The following LONP1 variants were observed in gnomAD, a reference collection of about 807,000 sequenced individuals.
The protein encoded by LONP1 is lon peptidase 1, mitochondrial, also known as lon protease homolog, mitochondrial.
LONP1 carries 31 observed loss-of-function variants against 98.5 expected under a neutral mutation model. That is an observed-to-expected ratio of 0.31 (90% CI 0.24 to 0.42). The LOEUF is 0.42. Among genes scored for constraint, LONP1 ranks in the 20% least tolerant of loss-of-function variants. The pLI is 1.00. For synonymous variants in LONP1, 781 were observed against 594.7 expected (o/e 1.31, Z -4.56); for missense variants, 1,336 against 1,350.6 (o/e 0.99, Z 0.17).
At chr19:5,694,603 CG>C in intron 14 of LONP1, 51 bp from the exon 15 acceptor site, 1 of 1,500,178 alleles carries the variant, frequency 6.7e-7, no homozygotes, top group African/African-American at 1.4e-5. Context: ...GTGACAGGTG[CG>C]GGGTGGTGGG....
intron 8 of LONP1, among the ~76,000 whole-genome samples, chr19:5,703,951 G>A (rs947381582): frequency 6.6e-6 from 1 of 152,208 alleles, no homozygotes; most frequent in African/African-American, 2.4e-5. Context: ...GGCACTCGCT[G>A]GGAGACAGAA....
intron 8 of LONP1, among the ~76,000 whole-genome samples, chr19:5,705,344 G>A (rs1298537250): frequency 6.6e-6 from 1 of 151,146 alleles, no homozygotes; most frequent in Non-Finnish European, 1.5e-5. Context: ...TATAGTCCCA[G>A]ATACTTGGGG....
At chr19:5,699,527 A>C (rs1427999376) in intron 9 of LONP1, among the ~76,000 whole-genome samples, 1 of 151,412 alleles carries the variant, frequency 6.6e-6, no homozygotes, top group Non-Finnish European at 1.5e-5. Flanking sequence ...CAACCCAGAG[A>C]AGCAGTCCAC....
intron 8 of LONP1, 147 bp downstream of exon 8, chr19:5,705,625 G>A (rs533216490): frequency 1.1e-4 from 69 of 645,552 alleles, no homozygotes; most frequent in Non-Finnish European, 1.7e-4. Context: ...CCCAGAACAG[G>A]GCTGATACTC....
At chr19:5,694,938 C>T (rs1407914575) in intron 13 of LONP1, 37 bp from the exon 14 acceptor site, 1 of 1,577,616 alleles carries the variant, frequency 6.3e-7, no homozygotes, top group Middle Eastern at 2.0e-4. Flanking sequence ...TCTGGAGGGA[C>T]CTTGCCCACC....
At chr19:5,698,505 C>T (rs1599453954) in intron 10 of LONP1, among the ~76,000 whole-genome samples, 2 of 152,280 alleles carry the variant, frequency 1.3e-5, no homozygotes, top group South Asian at 4.1e-4. Context: ...GGCCGTGGCC[C>T]CTGCTTCTGG....
chr19:5,701,029 T>G, intron 8 of LONP1, 102 bp from the exon 9 acceptor site: 1 of 1,364,910 alleles, frequency 7.3e-7, no homozygotes, highest in Non-Finnish European at 1.0e-6. Flanking sequence ...AACCCATGTG[T>G]GGGGCTGAGC....
rs985797084 is a variant in LONP1, at chr19:5,696,506, G to A, written c.1774-135C>T. 5 of 1,334,558 alleles carry A rather than the reference G, an allele frequency of 3.7e-6. No individual in the cohort carries two copies. The Admixed American group carries it at 6.6e-5, about 18-fold the overall frequency. The allele number at this position is 1,334,558 out of a possible 1,614,324, so 82.7% of individuals were successfully genotyped here. ...ACACCCTGCCTTGGACGGGCAGCCT[G>A]CTGGGCGTGGCTGTGGGTGGGAGGG... On this transcript the variant is annotated intron_variant, in intron 11 of 17. Coordinates refer to ENST00000360614, the MANE Select transcript of LONP1 (RefSeq NM_004793.4).
intron 5 of LONP1, 33 bp downstream of exon 5, chr19:5,708,306 GCCC>G: frequency 1.2e-6 from 2 of 1,600,934 alleles, no homozygotes; most frequent in Non-Finnish European, 1.7e-6. Flanking sequence ...CTGCAGAGAT[GCCC>G]CCGCCTGGCC....
chr19:5,701,208 G>A (rs1307485575), intron 8 of LONP1, among the ~76,000 whole-genome samples: 1 of 152,222 alleles, frequency 6.6e-6, no homozygotes, highest in African/African-American at 2.4e-5. Flanking sequence ...AATTTTGGGA[G>A]GCCGAGGCAG....
At position 5,693,538 on chromosome 19, in the gene LONP1, G is replaced by A; in HGVS notation, c.2538+14C>T. 6.2e-7 allele frequency: 1 copy of A among 1,613,910 alleles called. No individual in the cohort carries two copies. Among genetic ancestry groups the A allele is most frequent in the Non-Finnish European group, 8.5e-7 (1 of 1,179,902 alleles). ...GACTGGGCGGGAGCAGGTGGGAGCG[G>A]ATGGCGCGGTCACCTCGGGCACATG... On this transcript the variant is annotated intron_variant, in intron 16 of 17. Coordinates refer to ENST00000360614, the MANE Select transcript of LONP1 (RefSeq NM_004793.4).
At chr19:5,719,615 G>T (rs1416761400) in intron 1 of LONP1, 89 bp downstream of exon 1, 2 of 1,594,550 alleles carry the variant, frequency 1.3e-6, no homozygotes, top group African/African-American at 2.7e-5. Flanking sequence ...AAAAAGTTGC[G>T]AAACACAAGG....
intron 8 of LONP1, among the ~76,000 whole-genome samples, chr19:5,704,164 G>A (rs1324149640): frequency 6.6e-6 from 1 of 152,214 alleles, no homozygotes; most frequent in Admixed American, 6.5e-5. Flanking sequence ...AGGCTGCGCT[G>A]TGGCTGTGAA....
At chr19:5,707,317 G>A (rs2055162256) in intron 6 of LONP1, among the ~76,000 whole-genome samples, 174 bp from the exon 7 acceptor site, 2 of 152,190 alleles carry the variant, frequency 1.3e-5, no homozygotes, top group South Asian at 2.1e-4. Context: ...TGCTGGAAAC[G>A]CATCCTACGG....
intron 8 of LONP1, among the ~76,000 whole-genome samples, chr19:5,704,935 C>T (rs967682679): frequency 5.3e-5 from 8 of 151,900 alleles, no homozygotes; most frequent in African/African-American, 1.2e-4. Context: ...GCAAGGTGGG[C>T]GGATCCCTTG....
At chr19:5,716,678 G>A (rs1293044397) in intron 1 of LONP1, among the ~76,000 whole-genome samples, 1 of 151,886 alleles carries the variant, frequency 6.6e-6, no homozygotes, top group Non-Finnish European at 1.5e-5. Flanking sequence ...TGTACTGTAA[G>A]GAAAAATTAG....
At chr19:5,720,257 C>T (rs1346792663), upstream of LONP1, 3 of 1,311,334 alleles carry the variant, frequency 2.3e-6, no homozygotes, top group Non-Finnish European at 3.0e-6. Flanking sequence ...CTTCAGGGAG[C>T]TGGGCCTACG....
intron 13 of LONP1, among the ~76,000 whole-genome samples, chr19:5,695,775 C>CATGG (rs2054914734): frequency 6.6e-6 from 1 of 152,242 alleles, no homozygotes; most frequent in Non-Finnish European, 1.5e-5. Context: ...GGGGCCCCAC[C>CATGG]ATGGGGCAGC....
At chr19:5,703,865 G>C (rs2055100709) in intron 8 of LONP1, among the ~76,000 whole-genome samples, 1 of 152,178 alleles carries the variant, frequency 6.6e-6, no homozygotes, top group South Asian at 2.1e-4. Flanking sequence ...CTCAGCTCCT[G>C]GGGGAAGGAG....
Sources: gnomAD v4.1 joint callset for allele counts (sites outside exome capture counted in the v4.1 genomes callset) on GRCh38, gnomAD v4.1.1 for gene constraint, MANE v1.5 for transcripts, NCBI Gene and HGNC (gene_info 2026-07-23, HGNC 2026-07-21) for gene names.